The following ACBD6 variants were observed in gnomAD, a reference collection of about 807,000 sequenced individuals.
The protein encoded by ACBD6 is acyl-CoA-binding domain-containing protein 6.
Under a neutral mutation model 37.2 loss-of-function variants are expected in ACBD6, and 28 were observed. That is an observed-to-expected ratio of 0.75 (90% CI 0.56 to 1.03). The LOEUF is 1.03. Among genes scored for constraint, ACBD6 ranks in the 50% least tolerant of loss-of-function variants. The pLI, the probability that ACBD6 is intolerant of heterozygous loss-of-function variation, is 0.00. For synonymous variants in ACBD6, 113 were observed against 126.8 expected (o/e 0.89, Z 0.73); for missense variants, 340 against 337.4 (o/e 1.01, Z -0.06).
At chr1:180,466,585 G>C (rs1449824997) in intron 3 of ACBD6, among the ~76,000 whole-genome samples, 2 of 152,060 alleles carry the variant, frequency 1.3e-5, no homozygotes, top group Non-Finnish European at 2.9e-5. Context: ...TTATTATTGG[G>C]TGTATTTATA....
chr1:180,432,434 G>A (rs907351346), intron 3 of ACBD6, among the ~76,000 whole-genome samples: 2 of 151,928 alleles, frequency 1.3e-5, no homozygotes, highest in African/African-American at 2.4e-5. Context: ...AATGAAAAAC[G>A]AGTAAAAGAT....
intron 3 of ACBD6, among the ~76,000 whole-genome samples, chr1:180,449,269 C>T (rs1467086010): frequency 6.6e-6 from 1 of 152,178 alleles, no homozygotes; most frequent in African/African-American, 2.4e-5. Context: ...TGAATCCCAA[C>T]TTCTAAAGCA....
Position 180,314,726 on chromosome 1 carries a change from T to C in ACBD6, c.664-4A>G. On this transcript the variant is annotated splice_polypyrimidine_tract_variant and splice_region_variant and intron_variant, in intron 6 of 7. Transcript: ENST00000367595. ...GAGCTGTTTGGCCTTCATTGTCCTA[T>C]AAAAGAAACAAATAATACATTTTAG... is the stretch of plus-strand genomic sequence containing the variant. 1 of 1,530,778 alleles carries C rather than the reference T, an allele frequency of 6.5e-7. No homozygotes were observed. The allele number at this position is 1,530,778 out of a possible 1,614,324, so 94.8% of individuals were successfully genotyped here.
chr1:180,370,384 T>C (rs998436898), intron 6 of ACBD6, among the ~76,000 whole-genome samples: 2 of 152,104 alleles, frequency 1.3e-5, no homozygotes, highest in East Asian at 1.9e-4. Context: ...GGAGTATCTA[T>C]CTATAAAGGA....
At chr1:180,413,624 A>C (rs1227192847) in intron 4 of ACBD6, among the ~76,000 whole-genome samples, 153 bp from the exon 5 acceptor site, 1 of 152,168 alleles carries the variant, frequency 6.6e-6, no homozygotes, top group Non-Finnish European at 1.5e-5. Flanking sequence ...AGTAGCTGTA[A>C]TATATCCAAC....
chr1:180,390,898 G>A (rs7520598), intron 6 of ACBD6, among the ~76,000 whole-genome samples: 6,599 of 152,034 alleles, frequency 0.043, 450 homozygotes, highest in African/African-American at 0.14. Flanking sequence ...GAAAAAAGGC[G>A]GAAGAATAAC....
At chr1:180,384,774 A>T (rs1238799369) in intron 6 of ACBD6, among the ~76,000 whole-genome samples, 1 of 152,210 alleles carries the variant, frequency 6.6e-6, no homozygotes, top group East Asian at 1.9e-4. Flanking sequence ...AGATGAATGG[A>T]TAAAGAAAAT....
chr1:180,464,625 G>C lies in ACBD6; in HGVS notation c.384+27644C>G, dbSNP rs12084845. Reference sequence around the variant, plus strand: ...GTTACACTACCCAAAGCAATTTACAGATTAAATGCTATTCCTATCAAACTA... The same window carrying C: ...GTTACACTACCCAAAGCAATTTACACATTAAATGCTATTCCTATCAAACTA... On this transcript the variant is annotated intron_variant, in intron 3 of 7. Transcript: ENST00000367595. Among the ~76,000 whole-genome samples the C allele has an allele frequency of 9.7e-3, 1,472 of 152,160 alleles. 19 individuals are homozygous for C. Among genetic ancestry groups the C allele is most frequent in the African/African-American group, 0.033 (1,390 of 41,504 alleles).
At chr1:180,497,286 A>C (rs1651776105) in intron 1 of ACBD6, among the ~76,000 whole-genome samples, 1 of 152,196 alleles carries the variant, frequency 6.6e-6, no homozygotes, top group Admixed American at 6.5e-5. Context: ...AACATTATAC[A>C]TGGCCATCCA....
intron 4 of ACBD6, among the ~76,000 whole-genome samples, chr1:180,422,190 A>C (rs1465517630): frequency 2.0e-5 from 3 of 151,836 alleles, no homozygotes; most frequent in African/African-American, 7.3e-5. Flanking sequence ...GTGATGGTTC[A>C]TGAATTCCCT....
intron 13 of ACBD6, chr1:180,272,138 C>T: frequency 1.3e-6 from 1 of 781,102 alleles, no homozygotes; most frequent in Non-Finnish European, 2.0e-6. Flanking sequence ...TTCCTTAAGA[C>T]TTGCAGTGAA....
downstream of ACBD6, among the ~76,000 whole-genome samples, chr1:180,285,080 G>A (rs1480808063): frequency 6.6e-6 from 1 of 152,140 alleles, no homozygotes; most frequent in Admixed American, 6.5e-5. Context: ...AGTCTGCAGT[G>A]AGCTATAATG....
intron 5 of ACBD6, 89 bp downstream of exon 5, chr1:180,413,277 T>G (rs1457913962): frequency 2.9e-5 from 27 of 918,078 alleles, no homozygotes; most frequent in Non-Finnish European, 3.6e-5. Context: ...TACTTTGAGT[T>G]GTAGTTCATT....
At chr1:180,285,603 A>G (rs1200337402), downstream of ACBD6, among the ~76,000 whole-genome samples, 3 of 152,190 alleles carry the variant, frequency 2.0e-5, no homozygotes, top group African/African-American at 7.2e-5. Flanking sequence ...ACTGAAGCAT[A>G]TATTTGTCTG....
At chr1:180,396,831 C>T (rs762850987) in intron 6 of ACBD6, among the ~76,000 whole-genome samples, 3 of 152,126 alleles carry the variant, frequency 2.0e-5, no homozygotes, top group Non-Finnish European at 4.4e-5. Context: ...CTGGAAGCAT[C>T]ATACACAGCT....
At chr1:180,339,711 A>G (rs1021752590) in intron 6 of ACBD6, among the ~76,000 whole-genome samples, 2 of 152,108 alleles carry the variant, frequency 1.3e-5, no homozygotes, top group Non-Finnish European at 2.9e-5. Flanking sequence ...ATACTTATTG[A>G]GTATCAACTA....
At chr1:180,426,968 G>A (rs1177994071) in intron 4 of ACBD6, among the ~76,000 whole-genome samples, 1 of 152,064 alleles carries the variant, frequency 6.6e-6, no homozygotes, top group East Asian at 1.9e-4. Flanking sequence ...TTATATTACA[G>A]AACAATTAAC....
chr1:180,304,285 G>A (rs142985093), intron 7 of ACBD6, among the ~76,000 whole-genome samples: 1 of 150,486 alleles, frequency 6.6e-6, no homozygotes, highest in East Asian at 1.9e-4. Context: ...GGAAATAAAG[G>A]GTATTCAATT....
intron 6 of ACBD6, among the ~76,000 whole-genome samples, chr1:180,328,739 T>C (rs574747080): frequency 4.7e-4 from 72 of 152,218 alleles, no homozygotes; most frequent in African/African-American, 1.7e-3. Context: ...TAATAGTATT[T>C]CTAAGCCTGG....
Sources: allele counts gnomAD v4.1 joint callset (sites outside exome capture counted in the v4.1 genomes callset), GRCh38; gene constraint gnomAD v4.1.1; transcripts MANE v1.5; gene names NCBI Gene and HGNC (gene_info 2026-07-23, HGNC 2026-07-21).